The following OSBPL10 variants were observed in gnomAD, a reference collection of about 807,000 sequenced individuals.
OSBPL10 encodes oxysterol-binding protein-related protein 10.
OSBPL10 carries 49 observed loss-of-function variants against 81.7 expected under a neutral mutation model. That is an observed-to-expected ratio of 0.60 (90% CI 0.48 to 0.76). OSBPL10 has a LOEUF of 0.76. Ranked by LOEUF, OSBPL10 falls within the 30% of genes least tolerant of loss-of-function variation. The pLI is 0.00. For missense variants in OSBPL10, 923 were observed against 987.8 expected (o/e 0.93, Z 0.88); for synonymous variants, 419 against 383.6 (o/e 1.09, Z -1.08).
At chr3:31,891,439 C>CT (rs1387219702) in intron 1 of OSBPL10, among the ~76,000 whole-genome samples, 2 of 152,212 alleles carry the variant, frequency 1.3e-5, no homozygotes, top group African/African-American at 2.4e-5. Flanking sequence ...TTTATCCACT[C>CT]TAAGACTTGA....
chr3:32,004,694 G>C (rs1699186160), intron 2 of OSBPL10, among the ~76,000 whole-genome samples: 2 of 152,184 alleles, frequency 1.3e-5, no homozygotes, highest in East Asian at 1.9e-4. Context: ...CAGGTACCAA[G>C]AGAACAACAG....
chr3:31,717,418 C>T (rs748617530), intron 6 of OSBPL10, among the ~76,000 whole-genome samples: 18 of 152,120 alleles, frequency 1.2e-4, no homozygotes, highest in East Asian at 1.9e-4. Flanking sequence ...CTCTGGTATA[C>T]GCCTATTCCG....
At chr3:31,871,108 G>A (rs1383698877) in intron 3 of OSBPL10, among the ~76,000 whole-genome samples, 1 of 151,662 alleles carries the variant, frequency 6.6e-6, no homozygotes, top group Non-Finnish European at 1.5e-5. Flanking sequence ...AACCAGCAGT[G>A]GCAACCCGTT....
chr3:31,860,044 A>T (rs1363338809), intron 3 of OSBPL10, among the ~76,000 whole-genome samples: 1 of 152,120 alleles, frequency 6.6e-6, no homozygotes, highest in African/African-American at 2.4e-5. Context: ...CATTGCTCAC[A>T]TATACCTGGT....
intron 1 of OSBPL10, among the ~76,000 whole-genome samples, chr3:31,882,167 G>T (rs1223831748): frequency 6.6e-6 from 1 of 152,230 alleles, no homozygotes; most frequent in Non-Finnish European, 1.5e-5. Flanking sequence ...GCACATGACT[G>T]CCCGGGTGGC....
chr3:31,879,861 T>A (rs1434506225), intron 1 of OSBPL10, 31 bp from the exon 2 acceptor site: 2 of 1,602,822 alleles, frequency 1.2e-6, no homozygotes, highest in African/African-American at 2.7e-5. Context: ...ACATCATTTT[T>A]CTCTCCTACC....
At chr3:31,965,403 T>C (rs1679954924) in intron 1 of OSBPL10, among the ~76,000 whole-genome samples, 1 of 121,198 alleles carries the variant, frequency 8.3e-6, no homozygotes, top group South Asian at 2.3e-4. Context: ...ATATATAATA[T>C]AAAATATATA....
rs567074717 is a variant in OSBPL10 at position 32,036,980 on chromosome 3, G to A, written n.298+9511C>T. Among the ~76,000 whole-genome samples the A allele has an allele frequency of 2.0e-5, 3 of 152,180 alleles. No homozygotes were observed. The South Asian group carries it at 6.2e-4, about 32-fold the overall frequency. ...TAGACAGGCTGGCTTGATCTAAACTGATCTAAACCAAAGTTTTACCTTACT... is the reference window on the plus strand; with the variant it reads ...TAGACAGGCTGGCTTGATCTAAACTAATCTAAACCAAAGTTTTACCTTACT... On this transcript the variant is annotated intron_variant and non_coding_transcript_variant, in intron 2 of 3. Coordinates refer to the OSBPL10 transcript ENST00000479173.
chr3:31,661,888 T>C lies in OSBPL10; in HGVS notation c.*184A>G. On this transcript the variant is annotated 3_prime_UTR_variant, in exon 12 of 12. Coordinates refer to ENST00000396556, the MANE Select transcript of OSBPL10 (RefSeq NM_017784.5). ...ACACGTGCCCCGAATGGCTCTTGAA[T>C]AAATTCATTCCTCTAGCAGAGTGTG... is the stretch of plus-strand genomic sequence containing the variant. The C allele has an allele frequency of 3.5e-6, 3 of 846,946 alleles. No homozygotes were observed. Among genetic ancestry groups the C allele is most frequent in the Non-Finnish European group, 5.3e-6 (3 of 565,648 alleles). 52.5% of individuals were successfully genotyped at this position (846,946 alleles called of 1,614,324 possible). A position where few individuals can be genotyped will look rare whatever the true frequency, so the allele number is the denominator to read the frequency against.
intron 1 of OSBPL10, among the ~76,000 whole-genome samples, chr3:31,907,969 C>T (rs1459114960): frequency 6.6e-6 from 1 of 152,034 alleles, no homozygotes; most frequent in Admixed American, 6.6e-5. Context: ...GAAAAGGCTG[C>T]GGTGGAGGAG....
rs1698994912 is a variant in OSBPL10 at position 31,989,615 on chromosome 3, T to C, written n.298+56876A>G. ...ACCAAAGGGAAAGTTGGTAATCAAG[T>C]TGAGAAGTCTATCAACGATGCTTCC... On this transcript the variant is annotated intron_variant and non_coding_transcript_variant, in intron 2 of 3. Transcript: ENST00000479173. 1 of 1,614,190 alleles carries C rather than the reference T, an allele frequency of 6.2e-7. No individual in the cohort carries two copies. Among genetic ancestry groups the C allele is most frequent in the East Asian group, 2.2e-5 (1 of 44,870 alleles).
intron 1 of OSBPL10, among the ~76,000 whole-genome samples, chr3:31,925,439 C>T (rs1401177405): frequency 2.0e-5 from 3 of 152,134 alleles, no homozygotes; most frequent in African/African-American, 4.8e-5. Context: ...ACTTTTGACT[C>T]CCCAGGACTA....
chr3:31,805,343 T>A (rs1699494188), intron 4 of OSBPL10, among the ~76,000 whole-genome samples: 1 of 152,166 alleles, frequency 6.6e-6, no homozygotes, highest in Non-Finnish European at 1.5e-5. Flanking sequence ...AATATAGTCG[T>A]ATCTCTCTCT....
At chr3:31,796,993 A>ATT (rs71097443) in intron 4 of OSBPL10, among the ~76,000 whole-genome samples, 67,060 of 123,424 alleles carry the variant, frequency 0.54, 19,753 homozygotes, top group East Asian at 0.71. Flanking sequence ...ATTTTTATTA[A>ATT]TTTTTTTTTT....
intron 4 of OSBPL10, among the ~76,000 whole-genome samples, chr3:31,760,213 GGTGGCAGA>G: frequency 6.6e-6 from 1 of 152,312 alleles, no homozygotes; most frequent in South Asian, 2.1e-4. Flanking sequence ...GCTGTCTCAG[GGTGGCAGA>G]GACAGAAGAG....
Position 31,956,216 on chromosome 3 carries a change from A to G in OSBPL10, c.281+24683T>C, listed in dbSNP as rs561878646. Among the ~76,000 whole-genome samples, 3 of 152,330 alleles carry G rather than the reference A, an allele frequency of 2.0e-5. No individual in the cohort carries two copies. The South Asian group carries it at 6.2e-4, about 32-fold the overall frequency. On this transcript the variant is annotated intron_variant, in intron 1 of 11. Transcript: ENST00000396556. ...CCTCCCACATTTTGAGCCTATATAA[A>G]TGCCTGCTAGAGAGTAAAACTCTTT... is the stretch of plus-strand genomic sequence containing the variant.
chr3:31,938,192 T>G (rs1490031432), intron 1 of OSBPL10, among the ~76,000 whole-genome samples: 1 of 152,074 alleles, frequency 6.6e-6, no homozygotes, highest in Admixed American at 6.6e-5. Flanking sequence ...GCACCTCTAT[T>G]TTCTTCTTCT....
intron 2 of OSBPL10, among the ~76,000 whole-genome samples, chr3:32,017,282 A>G (rs1055467485): frequency 3.5e-4 from 53 of 152,200 alleles, no homozygotes; most frequent in African/African-American, 1.2e-3. Context: ...CAAAGTTCCA[A>G]CAGCTAAAAA....
At chr3:31,811,180 G>C (rs965262772) in intron 4 of OSBPL10, among the ~76,000 whole-genome samples, 1 of 152,052 alleles carries the variant, frequency 6.6e-6, no homozygotes, top group South Asian at 2.1e-4. Flanking sequence ...GATCACTGCA[G>C]AGGGGTTGGG....
Sources: allele counts gnomAD v4.1 joint callset (sites outside exome capture counted in the v4.1 genomes callset), GRCh38; gene constraint gnomAD v4.1.1; transcripts MANE v1.5; gene names NCBI Gene and HGNC (gene_info 2026-07-23, HGNC 2026-07-21).